Variants in ARHGAP22 observed in about 807,000 individuals in gnomAD.
The protein encoded by ARHGAP22 is rho GTPase-activating protein 22.
Under a neutral mutation model 59.1 loss-of-function variants are expected in ARHGAP22, and 48 were observed. The observed-to-expected ratio is 0.81, with a 90% CI of 0.64 to 1.03. The LOEUF is 1.03. Among genes scored for constraint, ARHGAP22 ranks in the 50% least tolerant of loss-of-function variants. The pLI is 0.00. For missense variants in ARHGAP22, 1,015 were observed against 958.7 expected (o/e 1.06, Z -0.78); for synonymous variants, 445 against 416.4 (o/e 1.07, Z -0.84).
At chr10:48,496,545 G>C (rs1407521379) in intron 3 of ARHGAP22, among the ~76,000 whole-genome samples, 2 of 152,160 alleles carry the variant, frequency 1.3e-5, no homozygotes, top group Non-Finnish European at 2.9e-5. Context: ...TCCCAGCCCA[G>C]AGCTGCTGCC....
chr10:48,617,857 C>A (rs555761895), intron 1 of ARHGAP22, among the ~76,000 whole-genome samples: 2 of 151,778 alleles, frequency 1.3e-5, no homozygotes, highest in East Asian at 1.9e-4. Context: ...GAAATAAGTG[C>A]AACTGAGGCA....
At chr10:48,457,906 G>A (rs971614129) in intron 5 of ARHGAP22, among the ~76,000 whole-genome samples, 2 of 150,346 alleles carry the variant, frequency 1.3e-5, no homozygotes, top group Non-Finnish European at 3.0e-5. Context: ...AGTGGGTGAG[G>A]AGGAGACCCT....
chr10:48,638,951 C>A (rs1421731142), intron 1 of ARHGAP22, among the ~76,000 whole-genome samples: 2 of 152,156 alleles, frequency 1.3e-5, no homozygotes, highest in African/African-American at 2.4e-5. Flanking sequence ...CTTGAAAAAA[C>A]TGACATAAAC....
chr10:48,539,331 G>A (rs936604085), intron 3 of ARHGAP22, among the ~76,000 whole-genome samples: 7 of 124,926 alleles, frequency 5.6e-5, no homozygotes, highest in Non-Finnish European at 9.4e-5. Context: ...TCGCTCTGTC[G>A]CCCAGGCTGG....
chr10:48,634,718 C>T (rs1166690451), intron 1 of ARHGAP22, among the ~76,000 whole-genome samples: 2 of 152,124 alleles, frequency 1.3e-5, no homozygotes, highest in African/African-American at 2.4e-5. Context: ...TGAATTGTGT[C>T]CCCCGACTCC....
intron 2 of ARHGAP22, among the ~76,000 whole-genome samples, chr10:48,579,179 AG>A: frequency 6.6e-6 from 1 of 150,824 alleles, no homozygotes; most frequent in Admixed American, 6.6e-5. Flanking sequence ...CTTTGGTCTT[AG>A]GTTTCGGAAG....
At chr10:48,615,305 G>C (rs2061038541) in intron 1 of ARHGAP22, among the ~76,000 whole-genome samples, 2 of 152,198 alleles carry the variant, frequency 1.3e-5, no homozygotes. Flanking sequence ...TTGCCCCCAG[G>C]TATTTAAAGA....
intron 8 of ARHGAP22, among the ~76,000 whole-genome samples, chr10:48,452,090 C>T (rs1475144386): frequency 6.6e-6 from 1 of 152,148 alleles, no homozygotes; most frequent in South Asian, 2.1e-4. Flanking sequence ...ACACACAATC[C>T]CCCGTGTCTA....
At chr10:48,581,956 A>G (rs565958892) in intron 2 of ARHGAP22, among the ~76,000 whole-genome samples, 1 of 152,310 alleles carries the variant, frequency 6.6e-6, no homozygotes, top group East Asian at 1.9e-4. Flanking sequence ...TTTTGTTTAA[A>G]AGGAGGATCC....
intron 3 of ARHGAP22, among the ~76,000 whole-genome samples, chr10:48,504,111 C>T (rs183692714): frequency 6.4e-4 from 96 of 150,782 alleles, no homozygotes; most frequent in Non-Finnish European, 1.5e-4. Flanking sequence ...TGCCTGCTGC[C>T]CTGGGGGCCT....
rs1010487042 is a variant in ARHGAP22, at chr10:48,451,297, C to G, written c.989-157G>C. 33 of 1,010,754 alleles carry G rather than the reference C, an allele frequency of 3.3e-5. No individual in the cohort carries two copies. The Admixed American group carries it at 3.8e-4, about 12-fold the overall frequency. The allele number at this position is 1,010,754 out of a possible 1,614,324, so 62.6% of individuals were successfully genotyped here. ...GCCTTCATCCGCCCAGAGGAAAGGA[C>G]CACACACCCTCCAACTCCAGGCAGG... On this transcript the variant is annotated intron_variant, in intron 8 of 9. Coordinates refer to ENST00000249601, the MANE Select transcript of ARHGAP22 (RefSeq NM_021226.4).
chr10:48,654,886 TTTC>T (rs1453908216), upstream of ARHGAP22, among the ~76,000 whole-genome samples: 6 of 146,254 alleles, frequency 4.1e-5, no homozygotes, highest in Non-Finnish European at 9.0e-5. Flanking sequence ...TTTCTTTCTC[TTTC>T]TTTTCTCTCC....
At chr10:48,543,981 G>A (rs998174653) in intron 3 of ARHGAP22, among the ~76,000 whole-genome samples, 15 of 152,210 alleles carry the variant, frequency 9.9e-5, no homozygotes, top group East Asian at 1.9e-4. Context: ...GAAATTAGCC[G>A]GACATGGTGG....
intron 4 of ARHGAP22, among the ~76,000 whole-genome samples, chr10:48,465,014 C>A (rs1400332028): frequency 6.6e-6 from 1 of 152,162 alleles, no homozygotes; most frequent in Non-Finnish European, 1.5e-5. Context: ...GGCTTCTGGG[C>A]CCGGCCTCCC....
At chr10:48,456,283 C>A (rs557436486) in intron 5 of ARHGAP22, among the ~76,000 whole-genome samples, 1 of 152,300 alleles carries the variant, frequency 6.6e-6, no homozygotes, top group East Asian at 1.9e-4. Context: ...GAGATAAATA[C>A]CTTCTGGCCC....
At chr10:48,604,379 G>C (rs140824785) in intron 1 of ARHGAP22, among the ~76,000 whole-genome samples, 1 of 152,244 alleles carries the variant, frequency 6.6e-6, no homozygotes, top group Non-Finnish European at 1.5e-5. Flanking sequence ...GCCTTCCCTG[G>C]TAAGGGGTGC....
rs75258150 is a variant in ARHGAP22 at position 48,494,886 on chromosome 10, C to T, written c.323-15122G>A. ...TCCCACCAGAAACTTTGCATTCTCT[C>T]AGGTGCTCCAAATGCCCTCCCACCT... is the stretch of plus-strand genomic sequence containing the variant. On this transcript the variant is annotated intron_variant, in intron 3 of 9. Transcript: ENST00000249601. Among the ~76,000 whole-genome samples, 19 of 152,352 alleles carry T rather than the reference C, an allele frequency of 1.2e-4. No homozygotes were observed. In the East Asian group the frequency reaches 2.9e-3, roughly 23 times the overall value.
At chr10:48,469,713 A>T (rs2048051035) in intron 4 of ARHGAP22, among the ~76,000 whole-genome samples, 1 of 152,110 alleles carries the variant, frequency 6.6e-6, no homozygotes, top group Non-Finnish European at 1.5e-5. Flanking sequence ...CTGCCTCCAG[A>T]TTGTACCAAA....
At chr10:48,589,822 T>G (rs1589015814) in intron 1 of ARHGAP22, among the ~76,000 whole-genome samples, 1 of 152,296 alleles carries the variant, frequency 6.6e-6, no homozygotes, top group East Asian at 1.9e-4. Context: ...CTAAGGGAGC[T>G]ACACACAGAT....
Sources: gnomAD v4.1 joint callset for allele counts (sites outside exome capture counted in the v4.1 genomes callset) on GRCh38, gnomAD v4.1.1 for gene constraint, MANE v1.5 for transcripts, NCBI Gene and HGNC (gene_info 2026-07-23, HGNC 2026-07-21) for gene names.